The following BIRC6 variants were observed in gnomAD, a reference collection of about 807,000 sequenced individuals.
The protein encoded by BIRC6 is baculoviral IAP repeat containing 6.
In BIRC6, 98 loss-of-function variants were observed where a neutral mutation model predicts 503.3. That is an observed-to-expected ratio of 0.19 (90% confidence interval 0.17 to 0.23). The LOEUF (loss-of-function observed/expected upper bound fraction) is 0.23. Ranked by LOEUF, BIRC6 falls within the 10% of genes least tolerant of loss-of-function variation. The pLI, the probability that BIRC6 is intolerant of heterozygous loss-of-function variation, is 1.00. For missense variants in BIRC6, 5,360 were observed against 5,806.0 expected (o/e 0.92, Z 2.50); for synonymous variants, 2,240 against 2,078.7 (o/e 1.08, Z -2.11).
intron 1 of BIRC6, among the ~76,000 whole-genome samples, chr2:32,372,917 A>G (rs6737916): frequency 0.074 from 11,257 of 152,276 alleles, 607 homozygotes; most frequent in Non-Finnish European, 0.11. Context: ...ACTTCTGAGT[A>G]TAGATTTTTG....
At chr2:32,429,762 G>A (rs1376803021) in intron 11 of BIRC6, among the ~76,000 whole-genome samples, 3 of 152,056 alleles carry the variant, frequency 2.0e-5, no homozygotes, top group African/African-American at 7.2e-5. Context: ...AGTTTTGCTA[G>A]CATGCTACTC....
At chr2:32,460,998 C>CTCTCTTCTCT (rs1244077881) in intron 23 of BIRC6, among the ~76,000 whole-genome samples, 1,873 of 88,706 alleles carry the variant, frequency 0.021, 55 homozygotes, top group Admixed American at 0.026. Flanking sequence ...CTCTGCTCTG[C>CTCTCTTCTCT]TCTCTTCTCT....
chr2:32,402,227 C>CA (rs2040686545), intron 8 of BIRC6, among the ~76,000 whole-genome samples: 1 of 152,170 alleles, frequency 6.6e-6, no homozygotes, highest in Non-Finnish European at 1.5e-5. Flanking sequence ...GTGGGAGAGT[C>CA]AAAGTATCAC....
chr2:32,359,435 T>C lies in BIRC6; in HGVS notation c.325+1949T>C, dbSNP rs148402336. On this transcript the variant is annotated intron_variant, in intron 1 of 73. Coordinates refer to ENST00000421745, the MANE Select transcript of BIRC6 (RefSeq NM_016252.4). ...ATGGAAGGAAAGACAATATTCACTT[T>C]AGTGGTAGATTACTAAAGAGGAGGG... 4.6e-5 allele frequency among the ~76,000 whole-genome samples: 7 copies of C among 152,330 alleles called. No homozygotes were observed. In the East Asian group the frequency reaches 9.6e-4, roughly 21 times the overall value.
chr2:32,555,239 G>T (rs1231230179), intron 65 of BIRC6, among the ~76,000 whole-genome samples: 2 of 152,076 alleles, frequency 1.3e-5, no homozygotes, highest in African/African-American at 2.4e-5. Flanking sequence ...GGGAGCTGTG[G>T]TGGTGGTTCA....
chr2:32,451,326 CA>C (rs1042130564), intron 22 of BIRC6, among the ~76,000 whole-genome samples: 4 of 152,088 alleles, frequency 2.6e-5, no homozygotes, highest in African/African-American at 9.7e-5. Flanking sequence ...CTGTGATTCT[CA>C]AAGTGTGTTC....
At chr2:32,516,693 A>T (rs893029115) in intron 55 of BIRC6, among the ~76,000 whole-genome samples, 39 of 151,928 alleles carry the variant, frequency 2.6e-4, no homozygotes, top group African/African-American at 8.9e-4. Context: ...ATAATTTATT[A>T]TTTATCATAA....
chr2:32,469,821 T>C (rs992855090), intron 30 of BIRC6, among the ~76,000 whole-genome samples: 2 of 152,226 alleles, frequency 1.3e-5, no homozygotes, highest in African/African-American at 4.8e-5. Context: ...TTTAGTTTTC[T>C]AATTGAACTT....
intron 62 of BIRC6, among the ~76,000 whole-genome samples, chr2:32,545,361 T>G (rs888107027): frequency 5.3e-5 from 8 of 152,216 alleles, no homozygotes; most frequent in Non-Finnish European, 1.2e-4. Flanking sequence ...TTAGTTTAAA[T>G]TCTAGTTCGT....
intron 17 of BIRC6, among the ~76,000 whole-genome samples, 179 bp from the exon 18 acceptor site, chr2:32,441,885 TG>T (rs1332745334): frequency 6.6e-6 from 1 of 152,172 alleles, no homozygotes; most frequent in African/African-American, 2.4e-5. Context: ...AACACATTAT[TG>T]TAAATGTTAT....
intron 65 of BIRC6, among the ~76,000 whole-genome samples, chr2:32,562,353 A>G (rs769410322): frequency 6.6e-6 from 1 of 152,212 alleles, no homozygotes; most frequent in African/African-American, 2.4e-5. Context: ...CAGATAGTAC[A>G]GAGTTCCCAT....
chr2:32,411,560 C>T (rs1354571965), intron 9 of BIRC6, among the ~76,000 whole-genome samples: 1 of 151,774 alleles, frequency 6.6e-6, no homozygotes, highest in Admixed American at 6.6e-5. Flanking sequence ...TCAGTGCAAC[C>T]TCTGCCTCCT....
At chr2:32,429,009 C>T in intron 10 of BIRC6, 137 bp from the exon 11 acceptor site, 1 of 749,554 alleles carries the variant, frequency 1.3e-6, no homozygotes, top group Non-Finnish European at 2.0e-6. Context: ...TTTCTAAACT[C>T]TTGGAAATAC....
At chr2:32,436,742 T>A (rs1337240566) in intron 15 of BIRC6, among the ~76,000 whole-genome samples, 1 of 151,922 alleles carries the variant, frequency 6.6e-6, no homozygotes, top group African/African-American at 2.4e-5. Flanking sequence ...TTTTGTAGTT[T>A]TAGTAGAGAT....
chr2:32,615,032 G>C (rs765460658), intron 73 of BIRC6, among the ~76,000 whole-genome samples: 1 of 152,120 alleles, frequency 6.6e-6, no homozygotes, highest in African/African-American at 2.4e-5. Context: ...CTTCTGTAGA[G>C]GCCTCAAGGA....
Position 32,363,397 on chromosome 2 carries a change from T to G in BIRC6, c.325+5911T>G, listed in dbSNP as rs571174855. Among the ~76,000 whole-genome samples the G allele has an allele frequency of 3.9e-5, 6 of 152,316 alleles. No individual in the cohort carries two copies. In the East Asian group the frequency reaches 1.2e-3, roughly 29 times the overall value. Reference sequence around the variant, plus strand: ...TAAAGCTTTTTTTATATTCAGTTTTTGGACTTAAACTGAACTTTGAACTTC... The same window carrying G: ...TAAAGCTTTTTTTATATTCAGTTTTGGGACTTAAACTGAACTTTGAACTTC... On this transcript the variant is annotated intron_variant, in intron 1 of 73. Transcript: ENST00000421745.
rs555933859 is a variant in BIRC6, at chr2:32,453,957, A to G, written c.4753+15A>G. On this transcript the variant is annotated intron_variant, in intron 23 of 73. Coordinates refer to ENST00000421745, the MANE Select transcript of BIRC6 (RefSeq NM_016252.4). ...GGATGATGCAAGTACGTTTACTGGT[A>G]TATACCTTCTTTTATTATATACTTT... The G allele has an allele frequency of 1.9e-6, 3 of 1,597,966 alleles. No homozygotes were observed. The highest frequency in any genetic ancestry group is 4.5e-5 in the East Asian group (2 of 44,758).
At chr2:32,502,453 A>G (rs1338474745) in intron 47 of BIRC6, among the ~76,000 whole-genome samples, 1 of 152,178 alleles carries the variant, frequency 6.6e-6, no homozygotes, top group Non-Finnish European at 1.5e-5. Context: ...GTGTATAATT[A>G]TCATTTTTGT....
chr2:32,430,698 C>G (rs2043994367), intron 11 of BIRC6, among the ~76,000 whole-genome samples, 167 bp from the exon 12 acceptor site: 1 of 151,032 alleles, frequency 6.6e-6, no homozygotes, highest in South Asian at 2.1e-4. Context: ...AGTTAGTTAT[C>G]TTAGTTATAT....
Sources: gnomAD v4.1 joint callset for allele counts (sites outside exome capture counted in the v4.1 genomes callset) on GRCh38, gnomAD v4.1.1 for gene constraint, MANE v1.5 for transcripts, NCBI Gene and HGNC (gene_info 2026-07-23, HGNC 2026-07-21) for gene names.